Variants in TBL1X observed in about 807,000 individuals in gnomAD.
TBL1X encodes F-box-like/WD repeat-containing protein TBL1X.
Under a neutral mutation model 50.7 loss-of-function variants are expected in TBL1X, and 10 were observed. The observed-to-expected ratio is 0.20, with a 90% CI of 0.12 to 0.33. The LOEUF (loss-of-function observed/expected upper bound fraction) is 0.33, where lower values mean the gene tolerates loss of function less well. TBL1X is among the 10% of genes least tolerant of loss of function. The pLI is 1.00. For synonymous variants in TBL1X, 190 were observed against 214.7 expected (o/e 0.88, Z 1.01); for missense variants, 340 against 504.4 (o/e 0.67, Z 3.12).
At chrX:9,529,221 C>T (rs2082147833) in intron 2 of TBL1X, among the ~76,000 whole-genome samples, 1 of 111,542 alleles carries the variant, frequency 9.0e-6, no homozygotes, top group East Asian at 2.8e-4. Context: ...CTTTCTGTGT[C>T]CTCTGTGGCT....
intron 15 of TBL1X, 60 bp downstream of exon 15, chrX:9,709,820 TGCTAA>T (rs2083234113): frequency 8.5e-7 from 1 of 1,179,167 alleles, no homozygotes; most frequent in Non-Finnish European, 1.1e-6. Context: ...CAGGAAATTC[TGCTAA>T]AGCGCGTCCA....
rs972895726 is a variant in TBL1X, at chrX:9,719,098, T to G, written c.*2852T>G. 8.9e-6 allele frequency: 1 copy of G among 112,271 alleles called. No homozygotes were observed. Among genetic ancestry groups the G allele is most frequent in the African/African-American group, 3.2e-5 (1 of 30,854 alleles). The allele number at this position is 112,271 out of a possible 1,213,427, so 9.3% of individuals were successfully genotyped here. Reference sequence around the variant, plus strand: ...CTCTTAAAACATGGTGAGGAATGCCTAAGTCTTAGTGACCAAACGTGACCT... The same window carrying G: ...CTCTTAAAACATGGTGAGGAATGCCGAAGTCTTAGTGACCAAACGTGACCT... On this transcript the variant is annotated 3_prime_UTR_variant, in exon 18 of 18. Transcript: ENST00000645353.
chrX:9,704,423 A>C (rs17321113), intron 12 of TBL1X, among the ~76,000 whole-genome samples: 4,409 of 112,018 alleles, frequency 0.039, 109 homozygotes, highest in Non-Finnish European at 0.065. Context: ...TGCCCTTCTT[A>C]ACTGTGCCAT....
chrX:9,687,833 C>G (rs2083069616), intron 6 of TBL1X, among the ~76,000 whole-genome samples, 184 bp from the exon 7 acceptor site: 1 of 111,023 alleles, frequency 9.0e-6, no homozygotes, highest in South Asian at 3.8e-4. Context: ...CCCTTCCCTG[C>G]CCACCGTGGG....
At chrX:9,467,569 G>A (rs2081784243) in intron 1 of TBL1X, among the ~76,000 whole-genome samples, 1 of 111,306 alleles carries the variant, frequency 9.0e-6, no homozygotes, top group African/African-American at 3.3e-5. Context: ...CACATGCATT[G>A]AAAAATCAGT....
chrX:9,479,935 A>T (rs938715058), intron 1 of TBL1X, among the ~76,000 whole-genome samples: 1 of 35,251 alleles, frequency 2.8e-5, no homozygotes, highest in Non-Finnish European at 6.3e-5. Flanking sequence ...GAAGGAAAGT[A>T]GAATGTGTGT....
intron 2 of TBL1X, among the ~76,000 whole-genome samples, chrX:9,519,691 G>A (rs1036630378): frequency 1.8e-5 from 2 of 111,576 alleles, no homozygotes; most frequent in Non-Finnish European, 1.9e-5. Flanking sequence ...TTTGGGAAGC[G>A]GCTTCCTTGG....
At chrX:9,683,804 C>G (rs1300912446) in intron 5 of TBL1X, among the ~76,000 whole-genome samples, 1 of 111,257 alleles carries the variant, frequency 9.0e-6, no homozygotes, top group Non-Finnish European at 1.9e-5. Context: ...CCATTTAAGT[C>G]CCTTGTTTCA....
At position 9,527,735 on chromosome X, in the gene TBL1X, C is replaced by G. The variant is rs746439475; in HGVS notation, c.-131+25886C>G. On this transcript the variant is annotated intron_variant, in intron 2 of 17. Transcript: ENST00000645353. ...GACTGAGTGTGTTTATTTATGGGCACTGAGGTGCTGGGATCCCATATTCAC... is the reference window on the plus strand; with the variant it reads ...GACTGAGTGTGTTTATTTATGGGCAGTGAGGTGCTGGGATCCCATATTCAC... Among the ~76,000 whole-genome samples the G allele has an allele frequency of 1.4e-3, 153 of 111,059 alleles. 1 individual carries two copies. Among genetic ancestry groups the G allele is most frequent in the African/African-American group, 4.9e-3 (150 of 30,448 alleles).
chrX:9,676,710 G>C (rs2082996737), intron 5 of TBL1X, among the ~76,000 whole-genome samples: 1 of 112,347 alleles, frequency 8.9e-6, no homozygotes, highest in Non-Finnish European at 1.9e-5. Context: ...AATGTTGTTG[G>C]AGGTTAGGAT....
rs1405083530 is a variant in TBL1X, at chrX:9,717,919, G to A, written c.*1673G>A. ...AAGATCTTTTTTAAATAATCTTTTT[G>A]CTGTTTTTAAAAAATTAAACAAGGC... On this transcript the variant is annotated 3_prime_UTR_variant, in exon 18 of 18. Transcript: ENST00000645353. 1 of 111,876 alleles carries A rather than the reference G, an allele frequency of 8.9e-6. No individual in the cohort carries two copies. The highest frequency in any genetic ancestry group is 1.9e-5 in the Non-Finnish European group (1 of 53,218). 9.2% of individuals were successfully genotyped at this position (111,876 alleles called of 1,213,427 possible). A position where few individuals can be genotyped will look rare whatever the true frequency, so the allele number is the denominator to read the frequency against.
At chrX:9,699,060 A>G (rs1331312424) in intron 12 of TBL1X, among the ~76,000 whole-genome samples, 1 of 111,616 alleles carries the variant, frequency 9.0e-6, no homozygotes, top group Non-Finnish European at 1.9e-5. Context: ...AGCTCATTGC[A>G]GCCTCCGCCT....
chrX:9,526,146 C>T (rs1274798482), intron 2 of TBL1X, among the ~76,000 whole-genome samples: 2 of 32,239 alleles, frequency 6.2e-5, no homozygotes, highest in African/African-American at 1.3e-4. Context: ...GAGAGACGGG[C>T]GGGGGAGGGG....
At chrX:9,631,855 A>G (rs1429068097) in intron 2 of TBL1X, among the ~76,000 whole-genome samples, 3 of 112,706 alleles carry the variant, frequency 2.7e-5, no homozygotes, top group African/African-American at 6.4e-5. Context: ...CTTCCCCTTC[A>G]TGGACTCCCT....
intron 1 of TBL1X, among the ~76,000 whole-genome samples, chrX:9,493,647 G>C (rs960572615): frequency 2.7e-5 from 3 of 110,765 alleles, no homozygotes; most frequent in Non-Finnish European, 5.7e-5. Context: ...CCTGGTCCCA[G>C]CTACTTGGGA....
At chrX:9,577,082 G>A (rs1055326980) in intron 2 of TBL1X, among the ~76,000 whole-genome samples, 3 of 111,583 alleles carry the variant, frequency 2.7e-5, no homozygotes, top group Non-Finnish European at 5.6e-5. Context: ...CCTCAATGAT[G>A]AAATGTGCCC....
chrX:9,683,266 C>T (rs1160267355), intron 5 of TBL1X, among the ~76,000 whole-genome samples: 1 of 111,945 alleles, frequency 8.9e-6, no homozygotes, highest in Non-Finnish European at 1.9e-5. Flanking sequence ...CAAGGCATGG[C>T]TTTCTGTGTA....
intron 6 of TBL1X, among the ~76,000 whole-genome samples, chrX:9,685,558 T>C (rs778319290): frequency 1.6e-4 from 18 of 111,344 alleles, no homozygotes; most frequent in Non-Finnish European, 3.8e-5. Flanking sequence ...CCATCCCACC[T>C]GGCAGTCACA....
intron 2 of TBL1X, among the ~76,000 whole-genome samples, chrX:9,569,593 G>C (rs775782410): frequency 3.6e-5 from 4 of 111,970 alleles, no homozygotes; most frequent in Non-Finnish European, 5.6e-5. Context: ...TTGAGCCCAG[G>C]AGTTGGAGGC....
Sources: gnomAD v4.1 joint callset for allele counts (sites outside exome capture counted in the v4.1 genomes callset) on GRCh38, gnomAD v4.1.1 for gene constraint, MANE v1.5 for transcripts, NCBI Gene and HGNC (gene_info 2026-07-23, HGNC 2026-07-21) for gene names.